The following HMCN1 variants were observed in gnomAD, a reference collection of about 807,000 sequenced individuals.
HMCN1 encodes hemicentin-1.
HMCN1 carries 321 observed loss-of-function variants against 625.9 expected under a neutral mutation model. The observed-to-expected ratio is 0.51, with a 90% CI of 0.47 to 0.56. The LOEUF (loss-of-function observed/expected upper bound fraction) is 0.56. HMCN1 is among the 20% of genes least tolerant of loss of function. The pLI, the probability that HMCN1 is intolerant of heterozygous loss-of-function variation, is 0.00. For synonymous variants in HMCN1, 2,425 were observed against 2,417.6 expected (o/e 1.00, Z -0.09); for missense variants, 6,588 against 6,887.3 (o/e 0.96, Z 1.54).
intron 4 of HMCN1, among the ~76,000 whole-genome samples, chr1:185,871,074 C>A (rs1247946253): frequency 6.6e-6 from 1 of 151,962 alleles, no homozygotes; most frequent in East Asian, 1.9e-4. Context: ...TACTAAAATA[C>A]AAAAATTAGC....
rs970729678 is a variant in HMCN1, at chr1:186,038,168, A to G, written c.5851+133A>G. The G allele has an allele frequency of 6.1e-5, 42 of 683,330 alleles. No homozygotes were observed. In the African/African-American group the frequency reaches 6.6e-4, roughly 11 times the overall value. 42.3% of individuals were successfully genotyped at this position (683,330 alleles called of 1,614,324 possible). On this transcript the variant is annotated intron_variant, in intron 37 of 106. Coordinates refer to ENST00000271588, the MANE Select transcript of HMCN1 (RefSeq NM_031935.3). ...AATACATTTCATGGGTGAAACATTG[A>G]TAAGAATATTATTAGATAACATTTT...
At position 186,119,954 on chromosome 1, in the gene HMCN1, G is replaced by A; in HGVS notation, c.12095-57G>A. On this transcript the variant is annotated intron_variant, in intron 79 of 106. Coordinates refer to ENST00000271588, the MANE Select transcript of HMCN1 (RefSeq NM_031935.3). The stretch of plus-strand genomic sequence containing the variant: ...TTTTATAATTCGAATCAGCATGATT[G>A]TTTTTAATGAACAGGCTTTTTTTTT... The A allele has an allele frequency of 3.1e-6, 5 of 1,613,354 alleles. No homozygotes were observed. The South Asian group carries it at 3.3e-5, about 11-fold the overall frequency.
At position 186,061,982 on chromosome 1, in the gene HMCN1, A is replaced by C. The variant is rs750804432; in HGVS notation, c.7426+18A>C. The stretch of plus-strand genomic sequence containing the variant: ...AGTATTAGGTACTTATATAGTTTGC[A>C]ATATCTAGAAGAAACTTAAATTGCC... On this transcript the variant is annotated intron_variant, in intron 47 of 106. Coordinates refer to ENST00000271588, the MANE Select transcript of HMCN1 (RefSeq NM_031935.3). The C allele has an allele frequency of 4.7e-6, 7 of 1,482,766 alleles. No individual in the cohort carries two copies. In the East Asian group the frequency reaches 1.6e-4, roughly 34 times the overall value. 91.9% of individuals were successfully genotyped at this position (1,482,766 alleles called of 1,614,324 possible). A position where few individuals can be genotyped will look rare whatever the true frequency, so the allele number is the denominator to read the frequency against.
rs113907688 is a variant in HMCN1, at chr1:186,112,661, T to C, written c.10990-151T>C. Reference sequence around the variant, plus strand: ...TCATTAAAACAGTTCCCAGGGATTTTTGATACTACGAAAATGGTGGAGGAG... The same window carrying C: ...TCATTAAAACAGTTCCCAGGGATTTCTGATACTACGAAAATGGTGGAGGAG... On this transcript the variant is annotated intron_variant, in intron 71 of 106. Transcript: ENST00000271588. The C allele has an allele frequency of 4.0e-3, 3,678 of 929,762 alleles. 89 individuals carry two copies. Among genetic ancestry groups the C allele is most frequent in the South Asian group, 0.036 (2,388 of 67,016 alleles). 57.6% of individuals were successfully genotyped at this position (929,762 alleles called of 1,614,324 possible).
At chr1:185,920,090 T>TA (rs1666926663) in intron 6 of HMCN1, among the ~76,000 whole-genome samples, 1 of 152,230 alleles carries the variant, frequency 6.6e-6, no homozygotes, top group Non-Finnish European at 1.5e-5. Flanking sequence ...GAAATTTATG[T>TA]GGTGTTTAGT....
chr1:186,120,228 A>G, intron 80 of HMCN1, 83 bp downstream of exon 80: 1 of 1,451,332 alleles, frequency 6.9e-7, no homozygotes, highest in Non-Finnish European at 9.5e-7. Flanking sequence ...TAAAATGATT[A>G]TGCTGCTGTT....
rs773145792 is a variant in HMCN1, at chr1:186,123,161, C to T, written c.12440C>T (p.Thr4147Met). 3.7e-6 allele frequency: 6 copies of T among 1,613,988 alleles called. No homozygotes were observed. The highest frequency in any genetic ancestry group is 5.1e-6 in the Non-Finnish European group (6 of 1,179,954). Residue 4147 changes from threonine to methionine, a missense_variant, in exon 81 of 107, where the codon ACG becomes ATG. Coordinates refer to ENST00000271588, the MANE Select transcript of HMCN1 (RefSeq NM_031935.3). Reference protein sequence around the residue: ...FVQPGDAGHYTCMAANVAGSS... With the variant: ...FVQPGDAGHYMCMAANVAGSS... ...CAGCCTGGTGATGCTGGCCATTACA[C>T]GTGCATGGCAGCCAATGTAGCAGGA...
chr1:186,039,524 A>G (rs1236649178), intron 38 of HMCN1, among the ~76,000 whole-genome samples: 1 of 152,166 alleles, frequency 6.6e-6, no homozygotes, highest in Non-Finnish European at 1.5e-5. Flanking sequence ...CATCTGTGAA[A>G]TGGAGAAATT....
Position 185,741,199 on chromosome 1 carries a change from C to A in HMCN1, c.268+6152C>A, listed in dbSNP as rs115989448. 8.3e-3 allele frequency among the ~76,000 whole-genome samples: 1,260 copies of A among 152,166 alleles called. 13 individuals carry two copies. Among genetic ancestry groups the A allele is most frequent in the Middle Eastern group, 0.027 (8 of 294 alleles). On this transcript the variant is annotated intron_variant, in intron 1 of 106. Coordinates refer to ENST00000271588, the MANE Select transcript of HMCN1 (RefSeq NM_031935.3). The stretch of plus-strand genomic sequence containing the variant: ...GAACTTTCCAGTCACCAGAATCATA[C>A]GCCCAATATGCCATTTTTCTTTAAA...
intron 4 of HMCN1, among the ~76,000 whole-genome samples, chr1:185,870,668 A>G (rs1425289655): frequency 6.6e-6 from 1 of 152,206 alleles, no homozygotes; most frequent in African/African-American, 2.4e-5. Context: ...ACAGTGGGGT[A>G]GCCATCCTCT....
intron 36 of HMCN1, among the ~76,000 whole-genome samples, chr1:186,036,088 G>A (rs953935477): frequency 6.6e-6 from 1 of 152,028 alleles, no homozygotes; most frequent in Non-Finnish European, 1.5e-5. Flanking sequence ...GTTTTGTCAT[G>A]TTTAATAATT....
chr1:185,833,028 T>TA (rs534579510), intron 1 of HMCN1, among the ~76,000 whole-genome samples: 25 of 152,322 alleles, frequency 1.6e-4, no homozygotes, highest in Middle Eastern at 3.4e-3. Context: ...ATTTCTGTCT[T>TA]AATAGCCTTC....
chr1:185,832,724 G>A (rs1028269497), intron 1 of HMCN1, among the ~76,000 whole-genome samples: 6 of 152,062 alleles, frequency 3.9e-5, no homozygotes, highest in African/African-American at 1.5e-4. Context: ...TTTCTCAACT[G>A]TGATAAAAAT....
At chr1:185,974,892 G>T (rs191121229) in intron 15 of HMCN1, among the ~76,000 whole-genome samples, 2 of 152,206 alleles carry the variant, frequency 1.3e-5, no homozygotes, top group East Asian at 3.9e-4. Flanking sequence ...ACAGATTGAG[G>T]TTTGTTTATC....
At chr1:185,839,428 A>G (rs1053084118) in intron 1 of HMCN1, among the ~76,000 whole-genome samples, 2 of 152,152 alleles carry the variant, frequency 1.3e-5, no homozygotes, top group Non-Finnish European at 2.9e-5. Context: ...TTGTTAATTA[A>G]ATCTTATTAA....
chr1:185,780,713 G>A (rs1056216065), intron 1 of HMCN1, among the ~76,000 whole-genome samples: 1 of 152,136 alleles, frequency 6.6e-6, no homozygotes, highest in Non-Finnish European at 1.5e-5. Context: ...TGATTGTGGT[G>A]GATAAGCTTT....
chr1:186,159,529 C>T (rs1651286238), intron 97 of HMCN1, among the ~76,000 whole-genome samples: 1 of 152,174 alleles, frequency 6.6e-6, no homozygotes, highest in Non-Finnish European at 1.5e-5. Context: ...CAGTTTTTGT[C>T]CATTCAGTAT....
intron 4 of HMCN1, among the ~76,000 whole-genome samples, chr1:185,901,431 T>C (rs1665799851): frequency 6.6e-6 from 1 of 151,786 alleles, no homozygotes; most frequent in Non-Finnish European, 1.5e-5. Context: ...CCACATGTTA[T>C]AATGTTACAA....
chr1:185,945,085 G>T (rs1216746459), intron 11 of HMCN1, among the ~76,000 whole-genome samples: 1 of 152,048 alleles, frequency 6.6e-6, no homozygotes, highest in East Asian at 1.9e-4. Context: ...TGATGAAGGG[G>T]CTATGATATT....
Sources: gnomAD v4.1 joint callset for allele counts (sites outside exome capture counted in the v4.1 genomes callset) on GRCh38, gnomAD v4.1.1 for gene constraint, MANE v1.5 for transcripts, NCBI Gene and HGNC (gene_info 2026-07-23, HGNC 2026-07-21) for gene names.